RFX7: variants seen among roughly 807,000 people sequenced by gnomAD.
RFX7 encodes the protein regulatory factor X7, also known as DNA-binding protein RFX7.
A neutral mutation model predicts 111.8 loss-of-function variants in RFX7; 26 were observed. That is an observed-to-expected ratio of 0.23 (90% CI 0.17 to 0.32). The LOEUF (loss-of-function observed/expected upper bound fraction) is 0.32. RFX7 is among the 10% of genes least tolerant of loss of function. The pLI is 1.00. For missense variants in RFX7, 1,573 were observed against 1,772.9 expected (o/e 0.89, Z 2.02); for synonymous variants, 624 against 624.4 (o/e 1.00, Z 0.01).
intron 5 of RFX7, among the ~76,000 whole-genome samples, chr15:56,128,688 C>T (rs1235905169): frequency 6.6e-6 from 1 of 152,044 alleles, no homozygotes; most frequent in African/African-American, 2.4e-5. Context: ...TTCTATTCAA[C>T]ACTGTACTGA....
chr15:56,188,913 A>G (rs1354092160), intron 2 of RFX7, among the ~76,000 whole-genome samples: 1 of 151,986 alleles, frequency 6.6e-6, no homozygotes, highest in Non-Finnish European at 1.5e-5. Context: ...GCTCACTGCA[A>G]CCTCCACCTC....
intron 2 of RFX7, among the ~76,000 whole-genome samples, chr15:56,208,433 C>G (rs924728135): frequency 3.9e-5 from 6 of 152,128 alleles, no homozygotes; most frequent in Non-Finnish European, 7.4e-5. Flanking sequence ...AATGCTCCCC[C>G]ACATACCTTA....
Position 56,093,620 on chromosome 15 carries a change from C to A in RFX7, c.4108G>T (p.Ala1370Ser). Residue 1370 changes from alanine to serine, a missense_variant, in exon 10 of 10, where the codon GCA (alanine) becomes TCA (serine). Physicochemically the swap from Ala to Ser is moderately conservative, Grantham distance 99. Transcript: ENST00000559447. ...GATGCAGTATTAGTGAGATCAGATG[C>A]TCCCTGACCTACCAGCTGCTGGTTG... ...QTNQQLVGQG[A>S]SDLTNTASDF... 1 of 1,613,816 alleles carries A rather than the reference C, an allele frequency of 6.2e-7. No homozygotes were observed. Among genetic ancestry groups the A allele is most frequent in the South Asian group, 1.1e-5 (1 of 91,066 alleles).
chr15:56,097,115 C>A (rs2041689889), intron 9 of RFX7, among the ~76,000 whole-genome samples: 2 of 152,060 alleles, frequency 1.3e-5, no homozygotes, highest in Admixed American at 6.5e-5. Flanking sequence ...AGTGCGGTTA[C>A]CATGTATTTC....
intron 5 of RFX7, among the ~76,000 whole-genome samples, chr15:56,106,305 G>A (rs1448704668): frequency 2.0e-5 from 3 of 152,048 alleles, no homozygotes; most frequent in Non-Finnish European, 4.4e-5. Context: ...CCTCATTGTC[G>A]AATACTCTGG....
intron 5 of RFX7, among the ~76,000 whole-genome samples, chr15:56,108,740 A>G (rs1363761716): frequency 3.3e-5 from 5 of 152,220 alleles, no homozygotes; most frequent in Admixed American, 6.5e-5. Flanking sequence ...TTAAATAGGA[A>G]GAGACAAAGT....
chr15:56,122,425 G>A (rs1294483378), intron 5 of RFX7, among the ~76,000 whole-genome samples: 1 of 152,180 alleles, frequency 6.6e-6, no homozygotes, highest in Non-Finnish European at 1.5e-5. Flanking sequence ...AGCTGGGGGA[G>A]TGGTGACACA....
At chr15:56,109,300 G>A (rs1404865395) in intron 5 of RFX7, among the ~76,000 whole-genome samples, 5 of 152,224 alleles carry the variant, frequency 3.3e-5, no homozygotes, top group South Asian at 2.1e-4. Flanking sequence ...CGCCAGCCTC[G>A]GCCTCCCGAG....
At chr15:56,133,811 T>C (rs1468273025) in intron 5 of RFX7, among the ~76,000 whole-genome samples, 2 of 152,194 alleles carry the variant, frequency 1.3e-5, no homozygotes, top group African/African-American at 4.8e-5. Flanking sequence ...TGGCAAATTA[T>C]GGTTTTAGGC....
intron 2 of RFX7, among the ~76,000 whole-genome samples, chr15:56,188,149 G>C (rs2043061342): frequency 6.6e-6 from 1 of 152,098 alleles, no homozygotes. Flanking sequence ...GGAAGTTCTA[G>C]AACTTAAAAG....
intron 5 of RFX7, among the ~76,000 whole-genome samples, chr15:56,109,617 C>A (rs1373825325): frequency 6.6e-6 from 1 of 151,958 alleles, no homozygotes; most frequent in African/African-American, 2.4e-5. Context: ...CTCTTCCCTG[C>A]CGCCATCCCA....
intron 2 of RFX7, among the ~76,000 whole-genome samples, chr15:56,233,987 C>G (rs1240264287): frequency 6.6e-6 from 1 of 152,198 alleles, no homozygotes; most frequent in Non-Finnish European, 1.5e-5. Context: ...TCACTGTCAT[C>G]ATAACTCTGA....
intron 2 of RFX7, among the ~76,000 whole-genome samples, chr15:56,235,181 T>TG (rs2043609338): frequency 8.8e-6 from 1 of 114,078 alleles, no homozygotes; most frequent in Admixed American, 8.9e-5. Context: ...CGTTTGTTGT[T>TG]TTTTTTTTTT....
At chr15:56,193,466 G>A (rs2141167392) in intron 2 of RFX7, among the ~76,000 whole-genome samples, 1 of 152,232 alleles carries the variant, frequency 6.6e-6, no homozygotes, top group Admixed American at 6.5e-5. Context: ...ATTGATGATT[G>A]TTGATAATTG....
intron 2 of RFX7, among the ~76,000 whole-genome samples, chr15:56,197,698 A>G (rs750447189): frequency 1.3e-5 from 2 of 152,148 alleles, no homozygotes; most frequent in Admixed American, 6.5e-5. Flanking sequence ...AAAGGGAAGC[A>G]AAGTAGGGAT....
intron 5 of RFX7, among the ~76,000 whole-genome samples, chr15:56,109,352 T>C (rs1176350141): frequency 3.3e-5 from 5 of 152,182 alleles, no homozygotes; most frequent in South Asian, 2.1e-4. Flanking sequence ...TCAGTGCTCA[T>C]TGGTGCCCAG....
At chr15:56,138,830 G>A (rs1405672605) in intron 5 of RFX7, among the ~76,000 whole-genome samples, 3 of 152,016 alleles carry the variant, frequency 2.0e-5, no homozygotes, top group Non-Finnish European at 4.4e-5. Context: ...AAATCTCTCA[G>A]CATTTGCTTG....
intron 3 of RFX7, among the ~76,000 whole-genome samples, chr15:56,175,769 C>T (rs1403666145): frequency 6.6e-6 from 1 of 152,086 alleles, no homozygotes; most frequent in Non-Finnish European, 1.5e-5. Flanking sequence ...TATAAAACTT[C>T]TAGAAGAAAA....
intron 3 of RFX7, among the ~76,000 whole-genome samples, chr15:56,149,143 T>C (rs906290578): frequency 5.9e-5 from 9 of 152,122 alleles, no homozygotes; most frequent in African/African-American, 1.9e-4. Context: ...CTGTGGCACC[T>C]TGGAAGCCAT....
Sources: allele counts gnomAD v4.1 joint callset (sites outside exome capture counted in the v4.1 genomes callset), GRCh38; gene constraint gnomAD v4.1.1; transcripts MANE v1.5; gene names NCBI Gene and HGNC (gene_info 2026-07-23, HGNC 2026-07-21).